LRP1B: variants seen among roughly 807,000 people sequenced by gnomAD.
The protein encoded by LRP1B is LDL receptor related protein 1B.
A neutral mutation model predicts 556.6 loss-of-function variants in LRP1B; 217 were observed. The ratio of observed to expected loss-of-function variants is 0.39; its 90% CI spans 0.35 to 0.44. The LOEUF (loss-of-function observed/expected upper bound fraction) is 0.44. LRP1B is among the 20% of genes least tolerant of loss of function. The pLI, the probability that LRP1B is intolerant of heterozygous loss-of-function variation, is 1.00. For missense variants in LRP1B, 5,053 were observed against 5,620.8 expected (o/e 0.90, Z 3.23); for synonymous variants, 2,047 against 1,865.8 (o/e 1.10, Z -2.50).
intron 1 of LRP1B, among the ~76,000 whole-genome samples, chr2:141,985,792 T>G (rs1293424650): frequency 6.6e-6 from 1 of 151,968 alleles, no homozygotes; most frequent in Non-Finnish European, 1.5e-5. Context: ...TTTGAAATTG[T>G]CTAAAATACA....
At chr2:141,362,714 G>C (rs1308599300) in intron 3 of LRP1B, among the ~76,000 whole-genome samples, 2 of 151,588 alleles carry the variant, frequency 1.3e-5, no homozygotes, top group Non-Finnish European at 2.9e-5. Context: ...AAAGAATTTG[G>C]TATTTTGTGC....
intron 7 of LRP1B, among the ~76,000 whole-genome samples, chr2:141,150,869 T>TTTTGTGTG (rs1553467365): frequency 2.2e-5 from 3 of 138,626 alleles, no homozygotes; most frequent in Non-Finnish European, 4.6e-5. Context: ...TCATGCTGGT[T>TTTTGTGTG]TGTGTGTGTG....
intron 1 of LRP1B, among the ~76,000 whole-genome samples, chr2:142,116,182 G>C (rs2105003809): frequency 1.0e-5 from 1 of 98,078 alleles, no homozygotes. Flanking sequence ...GACAGAGCGA[G>C]AGTCTGTCTC....
chr2:142,041,646 T>C (rs908455901), intron 1 of LRP1B, among the ~76,000 whole-genome samples: 9 of 151,622 alleles, frequency 5.9e-5, no homozygotes, highest in Admixed American at 5.9e-4. Flanking sequence ...CTAAACTCTA[T>C]AGGAATTGAA....
intron 87 of LRP1B, among the ~76,000 whole-genome samples, chr2:140,241,314 CTA>C (rs1475865021): frequency 2.0e-5 from 3 of 150,838 alleles, no homozygotes; most frequent in Non-Finnish European, 4.5e-5. Context: ...TCTTCAAAAA[CTA>C]TGACTTCAAC....
intron 1 of LRP1B, among the ~76,000 whole-genome samples, chr2:141,955,700 C>A (rs73964853): frequency 1.3e-5 from 2 of 152,016 alleles, no homozygotes; most frequent in Middle Eastern, 3.4e-3. Flanking sequence ...CAGCTCACAT[C>A]GCTGTTTTCC....
intron 84 of LRP1B, among the ~76,000 whole-genome samples, chr2:140,284,728 T>G (rs1268776501): frequency 8.0e-3 from 8 of 1,004 alleles, no homozygotes; most frequent in African/African-American, 8.2e-3. Flanking sequence ...TGCTTCTAGT[T>G]TTTTTTTTCA....
At chr2:140,546,694 G>A (rs1680353024) in intron 43 of LRP1B, among the ~76,000 whole-genome samples, 1 of 152,088 alleles carries the variant, frequency 6.6e-6, no homozygotes, top group African/African-American at 2.4e-5. Context: ...ATTTCAAAAT[G>A]AGATTTGGGT....
At chr2:140,484,170 T>C (rs1688369492) in intron 59 of LRP1B, among the ~76,000 whole-genome samples, 1 of 152,128 alleles carries the variant, frequency 6.6e-6, no homozygotes, top group African/African-American at 2.4e-5. Flanking sequence ...AATGATTACA[T>C]AATTATATAG....
chr2:140,635,477 T>C (rs972511620), intron 41 of LRP1B, among the ~76,000 whole-genome samples: 3 of 152,056 alleles, frequency 2.0e-5, no homozygotes, highest in African/African-American at 4.8e-5. Flanking sequence ...TCATTTATTA[T>C]CCTGTTTTCT....
intron 35 of LRP1B, among the ~76,000 whole-genome samples, chr2:140,748,434 TA>T (rs1194086570): frequency 3.6e-5 from 3 of 84,206 alleles, no homozygotes; most frequent in South Asian, 4.6e-4. Flanking sequence ...ATTATATTTA[TA>T]TATATATTAT....
intron 1 of LRP1B, among the ~76,000 whole-genome samples, chr2:142,034,079 G>A (rs1703795067): frequency 6.6e-6 from 1 of 151,564 alleles, no homozygotes; most frequent in Admixed American, 6.6e-5. Context: ...TGACCACTAA[G>A]TCCTGTTGAT....
intron 1 of LRP1B, among the ~76,000 whole-genome samples, chr2:142,064,073 T>C (rs907569169): frequency 2.7e-5 from 4 of 150,892 alleles, no homozygotes; most frequent in African/African-American, 9.8e-5. Context: ...AAAAATGTTT[T>C]CTTTCTATGT....
At chr2:140,685,068 T>G (rs779479258) in intron 41 of LRP1B, among the ~76,000 whole-genome samples, 9 of 152,160 alleles carry the variant, frequency 5.9e-5, no homozygotes, top group Non-Finnish European at 1.2e-4. Flanking sequence ...GTGCAAATAT[T>G]CAAAAAACAC....
At position 141,169,547 on chromosome 2, in the gene LRP1B, T is replaced by C. The variant is rs2105136529; in HGVS notation, c.1013+18874A>G. Among the ~76,000 whole-genome samples the C allele has an allele frequency of 2.0e-5, 3 of 151,874 alleles. No homozygotes were observed. The Middle Eastern group carries it at 0.01, about 517-fold the overall frequency. ...CTGTCATGGATCCTGCACTGCACGATACAGTGACATGAGATACAGAAATTA... is the reference window on the plus strand; with the variant it reads ...CTGTCATGGATCCTGCACTGCACGACACAGTGACATGAGATACAGAAATTA... On this transcript the variant is annotated intron_variant, in intron 7 of 90. Transcript: ENST00000389484.
rs190749560 is a variant in LRP1B at position 142,039,565 on chromosome 2, C to T, written c.82+91083G>A. Among the ~76,000 whole-genome samples the T allele has an allele frequency of 9.2e-5, 14 of 151,628 alleles. No homozygotes were observed. The East Asian group carries it at 2.5e-3, about 27-fold the overall frequency. On this transcript the variant is annotated intron_variant, in intron 1 of 90. Coordinates refer to ENST00000389484, the MANE Select transcript of LRP1B (RefSeq NM_018557.3). ...GCAGTAAATACAGCCCCTACCCAAA[C>T]ACAAACTAAACAGAATTCCTGGGGT...
At position 141,247,321 on chromosome 2, in the gene LRP1B, C is replaced by G. The variant is rs1472620295; in HGVS notation, c.497G>C (p.Ser166Thr). The G allele has an allele frequency of 6.2e-7, 1 of 1,613,732 alleles. No homozygotes were observed. The highest frequency in any genetic ancestry group is 2.2e-5 in the East Asian group (1 of 44,836). The change falls in exon 5 of 91, where the codon AGC (serine) becomes ACC (threonine). Residue 166 changes from serine to threonine, a missense_variant. Physicochemically the swap from Ser to Thr is moderately conservative, Grantham distance 58. Transcript: ENST00000389484. ...TCCATGTGTGTTTCTGCAGGTCTGG[C>G]TGCATGTACCATAAACAGCACATTC... The part of the protein sequence containing the change: ...QDECAVYGTC[S>T]QTCRNTHGSY...
At chr2:141,005,932 T>C (rs755168829) in intron 14 of LRP1B, among the ~76,000 whole-genome samples, 58 of 152,092 alleles carry the variant, frequency 3.8e-4, no homozygotes, top group Non-Finnish European at 6.5e-4. Flanking sequence ...CCAGGAATCA[T>C]AGGACATCTG....
chr2:140,937,742 T>A (rs868214896), intron 20 of LRP1B, among the ~76,000 whole-genome samples: 7 of 152,078 alleles, frequency 4.6e-5, no homozygotes, highest in African/African-American at 1.7e-4. Context: ...AGTATGCTGC[T>A]AAAGATGGTG....
Sources: gnomAD v4.1 joint callset for allele counts (sites outside exome capture counted in the v4.1 genomes callset) on GRCh38, gnomAD v4.1.1 for gene constraint, MANE v1.5 for transcripts, NCBI Gene and HGNC (gene_info 2026-07-23, HGNC 2026-07-21) for gene names.